ADAM28: variants seen among roughly 807,000 people sequenced by gnomAD.
The protein encoded by ADAM28 is disintegrin and metalloproteinase domain-containing protein 28.
Under a neutral mutation model 101.2 loss-of-function variants are expected in ADAM28, and 105 were observed. The ratio of observed to expected loss-of-function variants is 1.04; its 90% CI spans 0.89 to 1.22. ADAM28 has a LOEUF of 1.22. ADAM28 is among the 50% of genes most tolerant of loss of function. ADAM28 has a pLI of 0.00. For synonymous variants in ADAM28, 322 were observed against 310.6 expected, an observed-to-expected ratio of 1.04 and a Z score of -0.39; for missense variants, 1,028 against 945.4, an observed-to-expected ratio of 1.09 and a Z score of -1.15.
intron 2 of ADAM28, among the ~76,000 whole-genome samples, chr8:24,304,562 C>T (rs1410056949): frequency 6.6e-6 from 1 of 151,954 alleles, no homozygotes; most frequent in Non-Finnish European, 1.5e-5. Context: ...AATTTTAACT[C>T]CCTATTCAAG....
intron 2 of ADAM28, among the ~76,000 whole-genome samples, chr8:24,302,962 T>A (rs955228540): frequency 1.5e-5 from 2 of 132,278 alleles, no homozygotes; most frequent in African/African-American, 5.6e-5. Context: ...ATGTTCCCCA[T>A]CCTGTGTCCA....
intron 9 of ADAM28, among the ~76,000 whole-genome samples, chr8:24,325,871 C>CAAAAAAAAAAAATAAAAAAAAAAA (rs1812477422): frequency 4.9e-5 from 1 of 20,420 alleles, no homozygotes; most frequent in African/African-American, 2.2e-4. Flanking sequence ...GTACAGATAG[C>CAAAAAAAAAAAATAAAAAAAAAAA]AAAAAAAAAA....
Position 24,354,379 on chromosome 8 carries a change from T to TG in ADAM28, c.2308-5_2308-4insG. The TG allele has an allele frequency of 7.0e-7, 1 of 1,420,280 alleles. No homozygotes were observed. Among genetic ancestry groups the TG allele is most frequent in the East Asian group, 2.5e-5 (1 of 40,740 alleles). 88.0% of individuals were successfully genotyped at this position (1,420,280 alleles called of 1,614,324 possible). On this transcript the variant is annotated splice_polypyrimidine_tract_variant and splice_region_variant and intron_variant, in intron 22 of 22. Coordinates refer to ENST00000265769, the MANE Select transcript of ADAM28 (RefSeq NM_014265.6). Reference sequence around the variant, plus strand: ...TTGATCATTTAGAAGTTATGTCTTTTTTAGGACTCAAATCCAAAAGCATGA... The same window carrying TG: ...TTGATCATTTAGAAGTTATGTCTTTTGTTAGGACTCAAATCCAAAAGCATGA...
chr8:24,352,365 C>T (rs1816266781), intron 21 of ADAM28, among the ~76,000 whole-genome samples: 1 of 152,180 alleles, frequency 6.6e-6, no homozygotes, highest in South Asian at 2.1e-4. Context: ...ATTTACTTCT[C>T]ACATTCTGGA....
At position 24,294,205 on chromosome 8, in the gene ADAM28, T is replaced by C. The variant is rs777420000; in HGVS notation, c.46+10T>C. Reference sequence around the variant, plus strand: ...CTCCTCTCTGTTGCAGGTACATATTTAGCTCTTTTTCAGGTTCTATTGAAT... The same window carrying C: ...CTCCTCTCTGTTGCAGGTACATATTCAGCTCTTTTTCAGGTTCTATTGAAT... On this transcript the variant is annotated intron_variant, in intron 1 of 22. Transcript: ENST00000265769. 25 of 1,613,926 alleles carry C rather than the reference T, an allele frequency of 1.5e-5. No homozygotes were observed. In the East Asian group the frequency reaches 4.7e-4, roughly 30 times the overall value.
At chr8:24,352,154 T>C in intron 21 of ADAM28, 102 bp downstream of exon 21, 1 of 993,474 alleles carries the variant, frequency 1.0e-6, no homozygotes, top group Non-Finnish European at 1.5e-6. Flanking sequence ...CAGGACAATA[T>C]TGAAATCTAT....
intron 2 of ADAM28, 57 bp downstream of exon 2, chr8:24,300,134 T>C (rs1808519969): frequency 2.2e-6 from 3 of 1,340,894 alleles, no homozygotes; most frequent in African/African-American, 1.5e-5. Flanking sequence ...TACACACATA[T>C]ATATATCTAT....
At chr8:24,340,998 A>AGT (rs1490994660) in intron 15 of ADAM28, 3 of 152,254 alleles carry the variant, frequency 2.0e-5, no homozygotes, top group African/African-American at 7.2e-5. Flanking sequence ...GATGCCTTGC[A>AGT]GTGTCAAGGG....
intron 15 of ADAM28, chr8:24,340,976 G>A (rs748197438): frequency 6.6e-6 from 1 of 152,222 alleles, no homozygotes; most frequent in Non-Finnish European, 1.5e-5. Context: ...AGTTCTTTTA[G>A]TAACTCCACC....
intron 1 of ADAM28, among the ~76,000 whole-genome samples, chr8:24,296,499 C>T (rs761036935): frequency 2.9e-4 from 44 of 152,218 alleles, no homozygotes; most frequent in Non-Finnish European, 1.8e-4. Flanking sequence ...CACATTTGAA[C>T]GAAAATGAAA....
At chr8:24,348,308 C>A (rs1030617769) in intron 18 of ADAM28, among the ~76,000 whole-genome samples, 2 of 152,002 alleles carry the variant, frequency 1.3e-5, no homozygotes, top group Non-Finnish European at 2.9e-5. Context: ...TGACATATAC[C>A]CAGCAACTCC....
At chr8:24,306,113 G>A (rs192247270) in intron 2 of ADAM28, among the ~76,000 whole-genome samples, 54 of 151,812 alleles carry the variant, frequency 3.6e-4, no homozygotes, top group African/African-American at 1.3e-3. Context: ...CGAGGCGGGT[G>A]GATGACGAGG....
chr8:24,345,534 C>T (rs777016951), intron 18 of ADAM28, among the ~76,000 whole-genome samples: 1 of 150,882 alleles, frequency 6.6e-6, no homozygotes, highest in Non-Finnish European at 1.5e-5. Flanking sequence ...TTTTTTTATC[C>T]CAGTTGGTTG....
At chr8:24,337,946 A>T (rs1349776837) in intron 14 of ADAM28, among the ~76,000 whole-genome samples, 1 of 152,246 alleles carries the variant, frequency 6.6e-6, no homozygotes, top group Non-Finnish European at 1.5e-5. Context: ...AATGAAAACA[A>T]GTTAATCTTC....
intron 2 of ADAM28, among the ~76,000 whole-genome samples, chr8:24,306,361 T>TAAATATATATATTTAA (rs1809640469): frequency 8.7e-6 from 1 of 115,348 alleles, no homozygotes; most frequent in African/African-American, 3.7e-5. Flanking sequence ...AATAAATAAA[T>TAAATATATATATTTAA]AAATATATAT....
intron 6 of ADAM28, among the ~76,000 whole-genome samples, chr8:24,317,282 A>G (rs932357120): frequency 1.3e-5 from 2 of 152,064 alleles, no homozygotes; most frequent in African/African-American, 2.4e-5. Flanking sequence ...CCTGATTTAA[A>G]GTTATATTAC....
At position 24,353,827 on chromosome 8, in the gene ADAM28, C is replaced by T. The variant is rs745603563; in HGVS notation, c.2302C>T (p.Pro768Ser). Reference sequence around the variant, plus strand: ...TTTCAAGGATAATCCAGTGTCTACACCTAAGGTAAGAGATCTATAGCCAAA... The same window carrying T: ...TTTCAAGGATAATCCAGTGTCTACATCTAAGGTAAGAGATCTATAGCCAAA... ...TVFKDNPVST[P>S]KDSNPKA Residue 768 changes from proline to serine, a missense_variant, in exon 22 of 23, where the codon CCT becomes TCT. By Grantham distance (74) the Pro-to-Ser change is moderately conservative. Coordinates refer to ENST00000265769, the MANE Select transcript of ADAM28 (RefSeq NM_014265.6). The T allele has an allele frequency of 1.1e-5, 16 of 1,515,908 alleles. No homozygotes were observed. The highest frequency in any genetic ancestry group is 1.7e-4 in the Middle Eastern group (1 of 5,886). The allele number at this position is 1,515,908 out of a possible 1,614,324, so 93.9% of individuals were successfully genotyped here.
chr8:24,330,833 C>T (rs888305440), intron 11 of ADAM28, among the ~76,000 whole-genome samples: 1 of 152,154 alleles, frequency 6.6e-6, no homozygotes, highest in Non-Finnish European at 1.5e-5. Context: ...AATTCTGAGA[C>T]ATGTAAATAA....
intron 1 of ADAM28, among the ~76,000 whole-genome samples, chr8:24,299,681 A>C (rs1808445710): frequency 6.6e-6 from 1 of 152,216 alleles, no homozygotes; most frequent in South Asian, 2.1e-4. Context: ...GCAGGATCAA[A>C]GATAAGAAGT....
Sources: gnomAD v4.1 joint callset for allele counts (sites outside exome capture counted in the v4.1 genomes callset) on GRCh38, gnomAD v4.1.1 for gene constraint, MANE v1.5 for transcripts, NCBI Gene and HGNC (gene_info 2026-07-23, HGNC 2026-07-21) for gene names.